NFATC1: variants seen among roughly 807,000 people sequenced by gnomAD.
NFATC1 encodes the protein nuclear factor of activated T cells 1, also known as nuclear factor of activated T-cells, cytoplasmic 1.
In NFATC1, 22 loss-of-function variants were observed where a neutral mutation model predicts 76.0. The ratio of observed to expected loss-of-function variants is 0.29; its 90% CI spans 0.21 to 0.41. The LOEUF (loss-of-function observed/expected upper bound fraction) is 0.41. Among genes scored for constraint, NFATC1 ranks in the 10% least tolerant of loss-of-function variants. The pLI is 1.00. For synonymous variants in NFATC1, 704 were observed against 613.1 expected, an observed-to-expected ratio of 1.15 and a Z score of -2.19; for missense variants, 1,357 against 1,337.7, an observed-to-expected ratio of 1.01 and a Z score of -0.23.
intron 8 of NFATC1, among the ~76,000 whole-genome samples, chr18:79,483,699 CT>C (rs1356241822): frequency 2.7e-5 from 4 of 146,954 alleles, no homozygotes; most frequent in Admixed American, 6.7e-5. Context: ...CCAGCGTGAC[CT>C]TGTTCCTGGG....
chr18:79,407,605 G>T (rs143404311), intron 1 of NFATC1, among the ~76,000 whole-genome samples: 34 of 152,322 alleles, frequency 2.2e-4, no homozygotes, highest in African/African-American at 7.7e-4. Flanking sequence ...GCGCCACCAT[G>T]CCTGGCTACT....
At chr18:79,523,099 G>A (rs929225517) in intron 9 of NFATC1, among the ~76,000 whole-genome samples, 2 of 152,190 alleles carry the variant, frequency 1.3e-5, no homozygotes, top group African/African-American at 4.8e-5. Context: ...TGCCTTTGCC[G>A]CTCCCGGGGC....
intron 1 of NFATC1, among the ~76,000 whole-genome samples, chr18:79,406,886 C>A (rs935656818): frequency 6.6e-6 from 1 of 152,172 alleles, no homozygotes; most frequent in Non-Finnish European, 1.5e-5. Flanking sequence ...GCGCTCCATG[C>A]GGGGCAGACG....
At chr18:79,398,072 C>T (rs1016278693) in intron 1 of NFATC1, among the ~76,000 whole-genome samples, 1 of 152,108 alleles carries the variant, frequency 6.6e-6, no homozygotes, top group African/African-American at 2.4e-5. Context: ...GTAGGCCCCA[C>T]GAGGCCATTC....
chr18:79,422,275 T>G (rs34318055), intron 2 of NFATC1: 12,306 of 152,374 alleles, frequency 0.081, 572 homozygotes, highest in Middle Eastern at 0.2. Context: ...TTTTGGTTTT[T>G]GTTTTATAAG....
intron 2 of NFATC1, among the ~76,000 whole-genome samples, chr18:79,420,017 C>T (rs373782238): frequency 7.2e-5 from 11 of 152,226 alleles, no homozygotes; most frequent in African/African-American, 2.2e-4. Context: ...AGGGCTTAGT[C>T]GGCTTTGGGG....
chr18:79,406,370 C>T (rs1044035424), intron 1 of NFATC1, among the ~76,000 whole-genome samples: 10 of 151,830 alleles, frequency 6.6e-5, no homozygotes, highest in African/African-American at 2.2e-4. Flanking sequence ...GCCTGAAGAG[C>T]CGGTTGAAGG....
At chr18:79,431,914 G>T (rs1417839589) in intron 2 of NFATC1, among the ~76,000 whole-genome samples, 3 of 152,168 alleles carry the variant, frequency 2.0e-5, no homozygotes, top group Non-Finnish European at 4.4e-5. Context: ...TGTTGGCCAG[G>T]ATGGTCTCAA....
At chr18:79,438,406 A>G (rs761288985) in intron 3 of NFATC1, among the ~76,000 whole-genome samples, 12 of 152,164 alleles carry the variant, frequency 7.9e-5, no homozygotes, top group Non-Finnish European at 1.5e-4. Flanking sequence ...CATGGCACCC[A>G]CCATCCCACG....
At chr18:79,418,380 C>T (rs1051761261) in intron 2 of NFATC1, among the ~76,000 whole-genome samples, 1 of 152,210 alleles carries the variant, frequency 6.6e-6, no homozygotes, top group African/African-American at 2.4e-5. Context: ...ACCCCGCAAC[C>T]TACACTCCAG....
At chr18:79,484,843 T>C (rs987690538) in intron 8 of NFATC1, among the ~76,000 whole-genome samples, 3 of 151,922 alleles carry the variant, frequency 2.0e-5, no homozygotes, top group Non-Finnish European at 4.4e-5. Flanking sequence ...CGCCGGGACC[T>C]GTGCGGGGGG....
At position 79,491,012 on chromosome 18, in the gene NFATC1, G is replaced by A. The variant is rs759988301; in HGVS notation, c.2782+4075G>A. Among the ~76,000 whole-genome samples the A allele has an allele frequency of 1.2e-4, 19 of 152,132 alleles. 1 individual carries two copies. The highest frequency in any genetic ancestry group is 5.2e-4 in the Admixed American group (8 of 15,278). On this transcript the variant is annotated intron_variant, in intron 9 of 9. Transcript: ENST00000427363. ...AAATGCGGGGGTGTACCTGGGGACC[G>A]TCTCGATGGGGACAGCGGGAGAGGG...
intron 9 of NFATC1, among the ~76,000 whole-genome samples, chr18:79,510,787 C>G (rs2090224436): frequency 6.6e-6 from 1 of 152,174 alleles, no homozygotes; most frequent in Non-Finnish European, 1.5e-5. Context: ...GCCCTGGGCA[C>G]AGACCCCGGC....
intron 9 of NFATC1, chr18:79,493,865 AGG>A (rs2089777524): frequency 6.6e-6 from 1 of 152,240 alleles, no homozygotes; most frequent in Admixed American, 6.5e-5. Context: ...GGGGGTTTCA[AGG>A]CGTAAAAATC....
chr18:79,510,898 G>A (rs945091105), intron 9 of NFATC1, among the ~76,000 whole-genome samples: 1 of 151,832 alleles, frequency 6.6e-6, no homozygotes, highest in African/African-American at 2.4e-5. Flanking sequence ...ATCCTCCGCC[G>A]GGACATCCTC....
At chr18:79,501,034 CTATAGAAAAAT>C (rs975355165) in intron 9 of NFATC1, among the ~76,000 whole-genome samples, 1 of 150,512 alleles carries the variant, frequency 6.6e-6, no homozygotes, top group African/African-American at 2.4e-5. Flanking sequence ...GTAAGAAAAA[CTATAGAAAAAT>C]ATTCTTTATG....
chr18:79,498,280 T>C (rs2089940987), intron 9 of NFATC1: 1 of 151,670 alleles, frequency 6.6e-6, no homozygotes, highest in South Asian at 2.1e-4. Flanking sequence ...AAAGAAATTG[T>C]ATTTAAAAAA....
chr18:79,473,500 A>C (rs1007641974), intron 8 of NFATC1, among the ~76,000 whole-genome samples: 1 of 142,368 alleles, frequency 7.0e-6, no homozygotes, highest in African/African-American at 2.7e-5. Flanking sequence ...CACGCTCACT[A>C]TCGACGTAAA....
At chr18:79,458,031 G>A (rs567547924) in intron 6 of NFATC1, among the ~76,000 whole-genome samples, 7 of 152,310 alleles carry the variant, frequency 4.6e-5, no homozygotes, top group African/African-American at 9.6e-5. Context: ...TGGAAAAGCC[G>A]CCATGAACCT....
Sources: gnomAD v4.1 joint callset for allele counts (sites outside exome capture counted in the v4.1 genomes callset) on GRCh38, gnomAD v4.1.1 for gene constraint, MANE v1.5 for transcripts, NCBI Gene and HGNC (gene_info 2026-07-23, HGNC 2026-07-21) for gene names.